TPPP: variants seen among roughly 807,000 people sequenced by gnomAD.
The protein encoded by TPPP is tubulin polymerization promoting protein, also known as tubulin polymerization-promoting protein.
TPPP carries 6 observed loss-of-function variants against 15.5 expected under a neutral mutation model. That is an observed-to-expected ratio of 0.39 (90% CI 0.21 to 0.77). TPPP has a LOEUF of 0.77. Ranked by LOEUF, TPPP falls within the 30% of genes least tolerant of loss-of-function variation. The pLI is 0.42. For missense variants in TPPP, 269 were observed against 307.2 expected (o/e 0.88, Z 0.93); for synonymous variants, 146 against 133.9 (o/e 1.09, Z -0.63).
rs1739630862 is a variant in TPPP at position 661,958 on chromosome 5, G to C, written c.*3144C>G. The C allele has an allele frequency of 6.6e-6, 1 of 152,004 alleles. No individual in the cohort carries two copies. The highest frequency in any genetic ancestry group is 2.4e-5 in the African/African-American group (1 of 41,298). The allele number at this position is 152,004 out of a possible 1,614,324, so 9.4% of individuals were successfully genotyped here. ...GGCACCAACCCTGGAAGTGTGGAGG[G>C]AGAGTGGGGGCGTGGGGCCTCTCCC... On this transcript the variant is annotated 3_prime_UTR_variant, in exon 4 of 4. Transcript: ENST00000360578.
chr5:668,448 G>T (rs61419136), intron 2 of TPPP, among the ~76,000 whole-genome samples: 8 of 105,282 alleles, frequency 7.6e-5, no homozygotes, highest in Non-Finnish European at 1.0e-4. Context: ...AGGGAAGTGC[G>T]GACAAGCACA....
intron 1 of TPPP, among the ~76,000 whole-genome samples, chr5:680,195 CCT>C (rs1213130054): frequency 3.4e-3 from 393 of 116,408 alleles, no homozygotes; most frequent in African/African-American, 0.015. Context: ...AGGCTCAGCC[CCT>C]CTCAGCACAG....
At chr5:672,273 T>G (rs1248839919) in intron 2 of TPPP, among the ~76,000 whole-genome samples, 1 of 151,196 alleles carries the variant, frequency 6.6e-6, no homozygotes, top group Non-Finnish European at 1.5e-5. Flanking sequence ...CCAGGGAGCC[T>G]GGCCCTGCTG....
Position 675,883 on chromosome 5 carries a change from C to T in TPPP, c.311+1867G>A, listed in dbSNP as rs546379333. On this transcript the variant is annotated intron_variant, in intron 2 of 3. Coordinates refer to ENST00000360578, the MANE Select transcript of TPPP (RefSeq NM_007030.3). ...AGCCACAGCCTCCTCTCACACCGGC[C>T]AGTGGCTGAGCCCATGAGGACACTG... is the stretch of plus-strand genomic sequence containing the variant. 5 of 152,316 alleles carry T rather than the reference C, an allele frequency of 3.3e-5. No homozygotes were observed. The South Asian group carries it at 1.0e-3, about 31-fold the overall frequency. The allele number at this position is 152,316 out of a possible 1,614,324, so 9.4% of individuals were successfully genotyped here. A position where few individuals can be genotyped will look rare whatever the true frequency, so the allele number is the denominator to read the frequency against.
At chr5:681,918 C>CA in intron 1 of TPPP, among the ~76,000 whole-genome samples, 1 of 152,166 alleles carries the variant, frequency 6.6e-6, no homozygotes, top group Non-Finnish European at 1.5e-5. Context: ...CCAGGTGTGT[C>CA]ACCAGCTCCA....
chr5:693,036 C>G (rs1447957469), intron 1 of TPPP, among the ~76,000 whole-genome samples: 1 of 149,962 alleles, frequency 6.7e-6, no homozygotes, highest in East Asian at 2.0e-4. Flanking sequence ...CCGACGGTGA[C>G]CCCCGCTCGC....
chr5:698,470 A>G, the TPPP span, among the ~76,000 whole-genome samples: 1 of 152,042 alleles, frequency 6.6e-6, no homozygotes, highest in Admixed American at 6.6e-5. Context: ...GTAATTTATA[A>G]ACAAAATGAG....
At chr5:673,781 C>G (rs979990332) in intron 2 of TPPP, among the ~76,000 whole-genome samples, 1 of 152,182 alleles carries the variant, frequency 6.6e-6, no homozygotes, top group Non-Finnish European at 1.5e-5. Context: ...CTGAGCAGCT[C>G]CAGCCCTGCC....
Position 672,855 on chromosome 5 carries a change from G to T in TPPP, c.311+4895C>A, listed in dbSNP as rs79736710. 1.8e-3 allele frequency among the ~76,000 whole-genome samples: 273 copies of T among 152,348 alleles called. 1 individual carries two copies. The highest frequency in any genetic ancestry group is 6.4e-3 in the African/African-American group (265 of 41,584). On this transcript the variant is annotated intron_variant, in intron 2 of 3. Transcript: ENST00000360578. Reference sequence around the variant, plus strand: ...CAGTAGGCTTCAACAAAAACCTGGCGTAAGGCTGCAAGAAATTTGTTTAAG... The same window carrying T: ...CAGTAGGCTTCAACAAAAACCTGGCTTAAGGCTGCAAGAAATTTGTTTAAG...
At chr5:677,505 A>G (rs1235998074) in intron 2 of TPPP, among the ~76,000 whole-genome samples, 2 of 152,160 alleles carry the variant, frequency 1.3e-5, no homozygotes, top group Non-Finnish European at 1.5e-5. Context: ...CGGGGCTGAG[A>G]GGAGCCAGGG....
At chr5:683,636 A>G (rs62330311) in intron 1 of TPPP, among the ~76,000 whole-genome samples, 2 of 139,360 alleles carry the variant, frequency 1.4e-5, no homozygotes, top group Non-Finnish European at 3.2e-5. Flanking sequence ...GACGCCTCTC[A>G]CCAACCCCTT....
chr5:682,582 C>T (rs1740657980), intron 1 of TPPP, among the ~76,000 whole-genome samples: 1 of 149,776 alleles, frequency 6.7e-6, no homozygotes, highest in African/African-American at 2.5e-5. Context: ...GGGGTCTGCC[C>T]CTTGGGCCTG....
chr5:684,752 T>C (rs1740721677), intron 1 of TPPP, among the ~76,000 whole-genome samples: 1 of 152,128 alleles, frequency 6.6e-6, no homozygotes, highest in Non-Finnish European at 1.5e-5. Context: ...CGGTTCCTGT[T>C]TTTCATTATC....
At chr5:674,412 T>C (rs1353985302) in intron 2 of TPPP, among the ~76,000 whole-genome samples, 1 of 152,148 alleles carries the variant, frequency 6.6e-6, no homozygotes, top group Admixed American at 6.5e-5. Flanking sequence ...ACGCAGGCTC[T>C]GGACCTGGCG....
intron 2 of TPPP, among the ~76,000 whole-genome samples, chr5:673,728 G>A (rs1214712739): frequency 6.6e-6 from 1 of 152,150 alleles, no homozygotes. Context: ...CTGGGGAGGT[G>A]AATGTGCTGG....
At chr5:669,241 G>A (rs1378277826) in intron 2 of TPPP, among the ~76,000 whole-genome samples, 8 of 151,948 alleles carry the variant, frequency 5.3e-5, no homozygotes, top group East Asian at 1.9e-4. Context: ...GCCATAGGGC[G>A]CTGTTGTCCA....
chr5:676,173 G>A (rs923617629), intron 2 of TPPP: 5 of 152,216 alleles, frequency 3.3e-5, no homozygotes, highest in Admixed American at 2.6e-4. Flanking sequence ...TGGCTTTTCT[G>A]GCATAACTTT....
chr5:666,016 AC>A lies in TPPP; in HGVS notation c.418del (p.Val140CysfsTer15). 6.3e-7 allele frequency: 1 copy of A among 1,594,096 alleles called. No homozygotes were observed. Among genetic ancestry groups the A allele is most frequent in the Non-Finnish European group, 8.5e-7 (1 of 1,171,730 alleles). On this transcript the variant is annotated frameshift_variant, in exon 3 of 4. Coordinates refer to ENST00000360578, the MANE Select transcript of TPPP (RefSeq NM_007030.3). LOFTEE classifies it low-confidence loss of function (END_TRUNC). ...DKSSEEAVRE[V>X]HRLIEGKAPI... ...CGCCTTGCCCTCGATGAGCCTGTGC[AC>A]CTCGCGAACGGCCTCCTCGCTGCTC...
intron 2 of TPPP, among the ~76,000 whole-genome samples, chr5:675,482 A>AGGGGGGCAGTGTGGCCG (rs1740395583): frequency 2.2e-5 from 2 of 91,088 alleles, no homozygotes; most frequent in Admixed American, 1.3e-4. Flanking sequence ...CAGTGTGGCC[A>AGGGGGGCAGTGTGGCCG]GGGGTACATT....
Sources: allele counts gnomAD v4.1 joint callset (sites outside exome capture counted in the v4.1 genomes callset), GRCh38; gene constraint gnomAD v4.1.1; transcripts MANE v1.5; gene names NCBI Gene and HGNC (gene_info 2026-07-23, HGNC 2026-07-21).